Variants in GFOD2 observed in about 807,000 individuals in gnomAD.
The protein encoded by GFOD2 is glucose-fructose oxidoreductase domain-containing protein 2.
Under a neutral mutation model 24.6 loss-of-function variants are expected in GFOD2, and 9 were observed. That is an observed-to-expected ratio of 0.37 (90% confidence interval 0.22 to 0.64). The LOEUF is 0.64. Ranked by LOEUF, GFOD2 falls within the 30% of genes least tolerant of loss-of-function variation. GFOD2 has a pLI of 0.65. For missense variants in GFOD2, 476 were observed against 532.5 expected (o/e 0.89, Z 1.04); for synonymous variants, 211 against 224.8 (o/e 0.94, Z 0.55).
chr16:67,689,581 G>A (rs1421043748), intron 1 of GFOD2, among the ~76,000 whole-genome samples: 5 of 151,982 alleles, frequency 3.3e-5, no homozygotes, highest in South Asian at 2.1e-4. Flanking sequence ...GGAGACAGGA[G>A]AATTGCTGGA....
intron 1 of GFOD2, among the ~76,000 whole-genome samples, chr16:67,707,954 T>A (rs2053449737): frequency 6.6e-6 from 1 of 152,132 alleles, no homozygotes; most frequent in Admixed American, 6.6e-5. Context: ...TAAGCCAGCC[T>A]TATTTATAGC....
intron 1 of GFOD2, among the ~76,000 whole-genome samples, chr16:67,700,282 G>A (rs2053392137): frequency 6.6e-6 from 1 of 151,978 alleles, no homozygotes; most frequent in Admixed American, 6.6e-5. Flanking sequence ...GGCTGAGGCA[G>A]GAGAACTGCT....
In GFOD2 at chr16:67,675,344, G is replaced by A. The variant is rs1410652321; in HGVS notation, c.969C>T (p.Asp323=). Residue 323 remains aspartate (D), a synonymous_variant, in exon 3 of 3, where the codon GAC becomes GAT. Coordinates refer to ENST00000268797, the MANE Select transcript of GFOD2 (RefSeq NM_030819.4). ...CAGGGGTGCGGTCCCAGGTGCGGCG[G>A]TCGCCCTGCCCCTGGAAGGACTGGC... The part of the protein sequence containing the change: ...ALRQSFQGQG[D]RRTWDRTPVS... The A allele has an allele frequency of 6.2e-7, 1 of 1,613,252 alleles. No individual in the cohort carries two copies. Among genetic ancestry groups the A allele is most frequent in the Non-Finnish European group, 8.5e-7 (1 of 1,180,000 alleles).
chr16:67,690,778 T>C (rs2053306842), intron 1 of GFOD2, among the ~76,000 whole-genome samples: 1 of 152,226 alleles, frequency 6.6e-6, no homozygotes, highest in African/African-American at 2.4e-5. Flanking sequence ...CTAACACAAC[T>C]ATTTTAACTT....
At chr16:67,718,682 T>C (rs1029629316) in intron 1 of GFOD2, among the ~76,000 whole-genome samples, 2 of 152,198 alleles carry the variant, frequency 1.3e-5, no homozygotes, top group African/African-American at 4.8e-5. Flanking sequence ...TTCTTCCACC[T>C]GTCAACTGAA....
chr16:67,678,476 CAA>C (rs144320358), intron 2 of GFOD2, among the ~76,000 whole-genome samples: 22 of 74,942 alleles, frequency 2.9e-4, no homozygotes, highest in Non-Finnish European at 3.7e-4. Context: ...AACTCTGTCT[CAA>C]AAAAAAAAAA....
At chr16:67,684,861 G>T in intron 2 of GFOD2, 1 of 989,922 alleles carries the variant, frequency 1.0e-6, no homozygotes, top group South Asian at 4.6e-5. Flanking sequence ...GCCCAGTCAG[G>T]GGCAAGAGGT....
intron 2 of GFOD2, chr16:67,682,872 T>G (rs1189771749): frequency 4.1e-6 from 4 of 978,528 alleles, no homozygotes; most frequent in African/African-American, 1.8e-5. Flanking sequence ...CAATCCTTCA[T>G]GTCCACCAGA....
rs909315924 is a variant in GFOD2, at chr16:67,695,031, C to T, written c.-87-9229G>A. 8.5e-5 allele frequency among the ~76,000 whole-genome samples: 11 copies of T among 128,830 alleles called. No homozygotes were observed. In the East Asian group the frequency reaches 1.2e-3, roughly 14 times the overall value. 84.5% of individuals were successfully genotyped at this position (128,830 alleles called of 152,430 possible). ...TTTTTGAGACGGAGTCTCACTCTGTCGCCTAGGCTGGAGCGTAATGGTGCA... is the reference window on the plus strand; with the variant it reads ...TTTTTGAGACGGAGTCTCACTCTGTTGCCTAGGCTGGAGCGTAATGGTGCA... On this transcript the variant is annotated intron_variant, in intron 1 of 2. Coordinates refer to ENST00000268797, the MANE Select transcript of GFOD2 (RefSeq NM_030819.4).
intron 1 of GFOD2, among the ~76,000 whole-genome samples, chr16:67,688,236 G>T (rs2053283166): frequency 6.6e-6 from 1 of 151,882 alleles, no homozygotes; most frequent in Non-Finnish European, 1.5e-5. Context: ...AGTATAATAG[G>T]TATGAGTATA....
chr16:67,691,815 C>T (rs1437810247), intron 1 of GFOD2, among the ~76,000 whole-genome samples: 1 of 152,086 alleles, frequency 6.6e-6, no homozygotes, highest in Non-Finnish European at 1.5e-5. Flanking sequence ...TTTCTGGATG[C>T]GCCTACTCAC....
chr16:67,674,897 G>C lies in GFOD2; in HGVS notation c.*258C>G. The C allele has an allele frequency of 2.1e-6, 1 of 478,126 alleles. No homozygotes were observed. The highest frequency in any genetic ancestry group is 3.7e-6 in the Non-Finnish European group (1 of 268,158). The allele number at this position is 478,126 out of a possible 1,614,324, so 29.6% of individuals were successfully genotyped here. On this transcript the variant is annotated 3_prime_UTR_variant, in exon 3 of 3. Transcript: ENST00000268797. ...GAGCCTTTCCTGGTCCGACTCACTG[G>C]CATCACCATGAGGAGGCCTGGCGGC...
chr16:67,711,885 C>G (rs116850787), intron 1 of GFOD2, among the ~76,000 whole-genome samples: 3 of 152,172 alleles, frequency 2.0e-5, no homozygotes, highest in Non-Finnish European at 4.4e-5. Context: ...CAGACATCCA[C>G]GTGGCTTTCT....
chr16:67,718,973 G>C (rs1370205038), intron 1 of GFOD2, among the ~76,000 whole-genome samples, 190 bp downstream of exon 1: 2 of 152,158 alleles, frequency 1.3e-5, no homozygotes, highest in Non-Finnish European at 2.9e-5. Context: ...GGTGGAAAGG[G>C]CGAATCCCAA....
chr16:67,718,862 C>G (rs1471779176), intron 1 of GFOD2, among the ~76,000 whole-genome samples: 1 of 152,204 alleles, frequency 6.6e-6, no homozygotes, highest in African/African-American at 2.4e-5. Context: ...GCGGGGGAGA[C>G]TAGGTTTTTG....
intron 1 of GFOD2, among the ~76,000 whole-genome samples, chr16:67,707,037 C>A (rs1318730351): frequency 7.0e-6 from 1 of 143,826 alleles, no homozygotes; most frequent in Non-Finnish European, 1.5e-5. Flanking sequence ...CCAGCCTGGG[C>A]AACAGAGCGA....
Position 67,675,158 on chromosome 16 carries a change from T to A in GFOD2, c.1155A>T (p.Leu385=), listed in dbSNP as rs749564867. ...GGCAAGGAGCCCAGGTGCAGGCTCATAGGTTGTTCCGCTGAAGTGCCTCAC... is the reference window on the plus strand; with the variant it reads ...GGCAAGGAGCCCAGGTGCAGGCTCAAAGGTTGTTCCGCTGAAGTGCCTCAC... ...NLCEALQRNN[L] Residue 385 remains leucine, a synonymous_variant, in exon 3 of 3, where the codon CTA becomes CTT. Coordinates refer to ENST00000268797, the MANE Select transcript of GFOD2 (RefSeq NM_030819.4). 1 of 1,610,652 alleles carries A rather than the reference T, an allele frequency of 6.2e-7. No individual in the cohort carries two copies. Among genetic ancestry groups the A allele is most frequent in the South Asian group, 1.1e-5 (1 of 90,544 alleles).
At chr16:67,683,578 GA>G (rs1399724470) in intron 2 of GFOD2, 1 of 1,231,662 alleles carries the variant, frequency 8.1e-7, no homozygotes, top group African/African-American at 1.6e-5. Context: ...TCCTCAGAGA[GA>G]GCTCTCTGGA....
intron 1 of GFOD2, among the ~76,000 whole-genome samples, chr16:67,690,814 T>C (rs2053307149): frequency 6.6e-6 from 1 of 152,206 alleles, no homozygotes; most frequent in Admixed American, 6.5e-5. Flanking sequence ...GGTAACATCA[T>C]TTTACCAATA....
Sources: gnomAD v4.1 joint callset for allele counts (sites outside exome capture counted in the v4.1 genomes callset) on GRCh38, gnomAD v4.1.1 for gene constraint, MANE v1.5 for transcripts, NCBI Gene and HGNC (gene_info 2026-07-23, HGNC 2026-07-21) for gene names.